The following CSMD1 variants were observed in gnomAD, a reference collection of about 807,000 sequenced individuals.
The protein encoded by CSMD1 is CUB and sushi domain-containing protein 1.
A neutral mutation model predicts 417.5 loss-of-function variants in CSMD1; 213 were observed. The observed-to-expected ratio is 0.51, with a 90% CI of 0.46 to 0.57. The LOEUF (loss-of-function observed/expected upper bound fraction) is 0.57. CSMD1 is among the 20% of genes least tolerant of loss of function. The pLI, the probability that CSMD1 is intolerant of heterozygous loss-of-function variation, is 0.00. For synonymous variants in CSMD1, 2,862 were observed against 1,736.8 expected, an observed-to-expected ratio of 1.65 and a Z score of -16.11; for missense variants, 6,923 against 4,529.7, an observed-to-expected ratio of 1.53 and a Z score of -15.17.
chr8:3,632,739 T>G (rs1391798489), intron 7 of CSMD1, among the ~76,000 whole-genome samples: 1 of 152,176 alleles, frequency 6.6e-6, no homozygotes, highest in Non-Finnish European at 1.5e-5. Flanking sequence ...CACACCAATG[T>G]CCTTGCCAAG....
chr8:4,311,627 A>C (rs1798578191), intron 3 of CSMD1, among the ~76,000 whole-genome samples: 1 of 151,478 alleles, frequency 6.6e-6, no homozygotes, highest in East Asian at 2.0e-4. Flanking sequence ...GGAAGCTTAG[A>C]CAGGAGAATT....
At chr8:3,589,811 G>A (rs1800769422) in intron 8 of CSMD1, among the ~76,000 whole-genome samples, 1 of 152,062 alleles carries the variant, frequency 6.6e-6, no homozygotes, top group Admixed American at 6.6e-5. Flanking sequence ...AGCTTGATTT[G>A]ACCATTTCAC....
rs573375171 is a variant in CSMD1, at chr8:3,529,046, C to T, written c.1345-35320G>A. Among the ~76,000 whole-genome samples, 116 of 152,302 alleles carry T rather than the reference C, an allele frequency of 7.6e-4. 1 individual carries two copies. Among genetic ancestry groups the T allele is most frequent in the African/African-American group, 2.6e-3 (108 of 41,564 alleles). On this transcript the variant is annotated intron_variant, in intron 10 of 69. Coordinates refer to ENST00000635120, the MANE Select transcript of CSMD1 (RefSeq NM_033225.6). ...CTCAACAGAGCTTTCGAACAAGGCT[C>T]ACTTTAGTACAAGCTGTAACACAGA...
Position 4,026,290 on chromosome 8 carries a change from A to G in CSMD1, c.610+5615T>C, listed in dbSNP as rs1274765959. Among the ~76,000 whole-genome samples the G allele has an allele frequency of 2.0e-5, 3 of 152,220 alleles. No individual in the cohort carries two copies. In the East Asian group the frequency reaches 5.8e-4, roughly 29 times the overall value. Reference sequence around the variant, plus strand: ...ATGGAACGCAATTTGAAGTCATACTACACCAGACACTGAGAAAAGCAAAAT... The same window carrying G: ...ATGGAACGCAATTTGAAGTCATACTGCACCAGACACTGAGAAAAGCAAAAT... On this transcript the variant is annotated intron_variant, in intron 4 of 69. Coordinates refer to ENST00000635120, the MANE Select transcript of CSMD1 (RefSeq NM_033225.6).
intron 36 of CSMD1, among the ~76,000 whole-genome samples, chr8:3,186,323 T>A (rs1821756932): frequency 6.6e-6 from 1 of 152,182 alleles, no homozygotes; most frequent in Non-Finnish European, 1.5e-5. Context: ...AGGGATTTCC[T>A]GGTGGAGATG....
chr8:3,071,456 C>T (rs1008185869), intron 49 of CSMD1, among the ~76,000 whole-genome samples: 1 of 152,082 alleles, frequency 6.6e-6, no homozygotes, highest in Middle Eastern at 3.2e-3. Flanking sequence ...CACCATGGCA[C>T]ATGTATGCCT....
At chr8:3,643,690 G>C (rs1425800729) in intron 7 of CSMD1, among the ~76,000 whole-genome samples, 4 of 91,144 alleles carry the variant, frequency 4.4e-5, no homozygotes, top group Non-Finnish European at 8.2e-5. Context: ...GACAGCGTGA[G>C]ACTCCGTCTC....
At chr8:3,582,460 C>T (rs79337541) in intron 9 of CSMD1, among the ~76,000 whole-genome samples, 3,135 of 152,050 alleles carry the variant, frequency 0.021, 116 homozygotes, top group African/African-American at 0.072. Context: ...AGAGGGATGC[C>T]AGCCAGGAAG....
intron 3 of CSMD1, among the ~76,000 whole-genome samples, chr8:4,306,267 G>A (rs1409516101): frequency 1.3e-5 from 2 of 152,154 alleles, no homozygotes; most frequent in Non-Finnish European, 2.9e-5. Flanking sequence ...ACAAGTTGTA[G>A]AATGGCCCTT....
rs576680325 is a variant in CSMD1, at chr8:3,290,417, C to T, written c.3951-6071G>A. 1.8e-4 allele frequency among the ~76,000 whole-genome samples: 27 copies of T among 146,396 alleles called. 1 individual carries two copies. The highest frequency in any genetic ancestry group is 9.8e-4 in the East Asian group (5 of 5,080). ...CATTGAATCTATAAGTTACCTTGGGCGGTATGGCCATTTTCACAATATTGA... is the reference window on the plus strand; with the variant it reads ...CATTGAATCTATAAGTTACCTTGGGTGGTATGGCCATTTTCACAATATTGA... On this transcript the variant is annotated intron_variant, in intron 25 of 69. Transcript: ENST00000635120.
intron 3 of CSMD1, among the ~76,000 whole-genome samples, chr8:4,058,163 T>A (rs540939769): frequency 6.6e-6 from 1 of 152,322 alleles, no homozygotes; most frequent in Admixed American, 6.5e-5. Context: ...TTCCTACCCA[T>A]GAGCATGGAA....
intron 2 of CSMD1, among the ~76,000 whole-genome samples, chr8:4,555,295 G>A (rs1413690050): frequency 6.6e-6 from 1 of 152,154 alleles, no homozygotes; most frequent in Non-Finnish European, 1.5e-5. Context: ...AAAGACAGGT[G>A]CAGTGGCATG....
Position 4,005,087 on chromosome 8 carries a change from T to C in CSMD1, c.611-6977A>G, listed in dbSNP as rs201142626. Among the ~76,000 whole-genome samples the C allele has an allele frequency of 9.2e-5, 14 of 152,156 alleles. No individual in the cohort carries two copies. In the East Asian group the frequency reaches 2.5e-3, roughly 27 times the overall value. ...TCACTGATGTGTGGGAGCCAAGCTA[T>C]GAGGATGCAAAGGAATAGGAATGAT... is the stretch of plus-strand genomic sequence containing the variant. On this transcript the variant is annotated intron_variant, in intron 4 of 69. Coordinates refer to ENST00000635120, the MANE Select transcript of CSMD1 (RefSeq NM_033225.6).
chr8:3,322,808 G>A (rs1806240344), intron 23 of CSMD1, among the ~76,000 whole-genome samples: 1 of 152,194 alleles, frequency 6.6e-6, no homozygotes, highest in African/African-American at 2.4e-5. Flanking sequence ...CTCCTGTCCA[G>A]TCTGCTTACA....
At chr8:3,690,901 A>C (rs538647942) in intron 7 of CSMD1, among the ~76,000 whole-genome samples, 2 of 152,372 alleles carry the variant, frequency 1.3e-5, no homozygotes, top group African/African-American at 4.8e-5. Flanking sequence ...TAAATTAAAT[A>C]ACAACAAATA....
At chr8:3,127,076 A>G (rs1194494049) in intron 41 of CSMD1, among the ~76,000 whole-genome samples, 1 of 152,236 alleles carries the variant, frequency 6.6e-6, no homozygotes, top group Non-Finnish European at 1.5e-5. Flanking sequence ...CAGGGAGAAC[A>G]TCCGTCAACA....
In CSMD1 at chr8:3,285,632, C is replaced by G. The variant is rs558539252; in HGVS notation, c.3951-1286G>C. Among the ~76,000 whole-genome samples the G allele has an allele frequency of 1.4e-4, 21 of 152,108 alleles. 2 individuals are homozygous for G. In the South Asian group the frequency reaches 4.4e-3, roughly 32 times the overall value. Reference sequence around the variant, plus strand: ...CAGGCTGGTCTTGAACTCCTCACCTCAGGTGATCCACCTGCCTCGGCCTCC... The same window carrying G: ...CAGGCTGGTCTTGAACTCCTCACCTGAGGTGATCCACCTGCCTCGGCCTCC... On this transcript the variant is annotated intron_variant, in intron 25 of 69. Transcript: ENST00000635120.
At chr8:3,822,534 C>A (rs1006547269) in intron 5 of CSMD1, among the ~76,000 whole-genome samples, 1 of 152,180 alleles carries the variant, frequency 6.6e-6, no homozygotes, top group East Asian at 1.9e-4. Flanking sequence ...TTAATGTCTT[C>A]CCCGACAGGC....
chr8:4,737,234 A>G (rs1178942467), intron 1 of CSMD1, among the ~76,000 whole-genome samples: 7 of 152,270 alleles, frequency 4.6e-5, no homozygotes, highest in African/African-American at 1.7e-4. Flanking sequence ...CTAACACGGG[A>G]ACAGAAAACC....
Sources: allele counts gnomAD v4.1 joint callset (sites outside exome capture counted in the v4.1 genomes callset), GRCh38; gene constraint gnomAD v4.1.1; transcripts MANE v1.5; gene names NCBI Gene and HGNC (gene_info 2026-07-23, HGNC 2026-07-21).